Variants in ADAM22 observed in about 807,000 individuals in gnomAD.
ADAM22 encodes ADAM metallopeptidase domain 22, also known as disintegrin and metalloproteinase domain-containing protein 22.
ADAM22 carries 65 observed loss-of-function variants against 144.6 expected under a neutral mutation model. The observed-to-expected ratio is 0.45, with a 90% confidence interval of 0.37 to 0.55. ADAM22 has a LOEUF of 0.55. ADAM22 is among the 20% of genes least tolerant of loss of function. The pLI is 0.00. For synonymous variants in ADAM22, 391 were observed against 412.6 expected (o/e 0.95, Z 0.63); for missense variants, 974 against 1,184.9 (o/e 0.82, Z 2.61).
At chr7:88,072,323 T>C (rs1343247189) in intron 3 of ADAM22, among the ~76,000 whole-genome samples, 1 of 152,236 alleles carries the variant, frequency 6.6e-6, no homozygotes, top group Admixed American at 6.5e-5. Context: ...CTAGATTTTA[T>C]AATTCAAAGG....
At chr7:87,973,210 TC>T (rs1338263681) in intron 2 of ADAM22, among the ~76,000 whole-genome samples, 1 of 152,062 alleles carries the variant, frequency 6.6e-6, no homozygotes, top group Non-Finnish European at 1.5e-5. Flanking sequence ...AGGGCTAATA[TC>T]CAGAATCTAC....
chr7:88,152,847 T>G (rs192637721), intron 20 of ADAM22, among the ~76,000 whole-genome samples: 1 of 151,902 alleles, frequency 6.6e-6, no homozygotes, highest in Non-Finnish European at 1.5e-5. Flanking sequence ...CCCAGCTAAT[T>G]TTTTTTGTAT....
chr7:88,188,163 A>C (rs1848760487), intron 30 of ADAM22, among the ~76,000 whole-genome samples: 1 of 152,138 alleles, frequency 6.6e-6, no homozygotes, highest in African/African-American at 2.4e-5. Flanking sequence ...CCATGGAACC[A>C]AAACAGAATG....
At chr7:88,099,224 A>G (rs1276764013) in intron 4 of ADAM22, among the ~76,000 whole-genome samples, 1 of 152,206 alleles carries the variant, frequency 6.6e-6, no homozygotes, top group Non-Finnish European at 1.5e-5. Flanking sequence ...CCTACTTACA[A>G]GTTAATAGGC....
intron 2 of ADAM22, among the ~76,000 whole-genome samples, chr7:87,978,093 CT>C (rs1040668278): frequency 6.6e-6 from 1 of 152,132 alleles, no homozygotes; most frequent in Non-Finnish European, 1.5e-5. Flanking sequence ...TGCTTAACCA[CT>C]TGAGGTAAAC....
chr7:88,166,346 T>G (rs1441401049), intron 24 of ADAM22, among the ~76,000 whole-genome samples: 2 of 152,126 alleles, frequency 1.3e-5, no homozygotes, highest in South Asian at 2.1e-4. Flanking sequence ...TATTCTTTAT[T>G]ATAGAATCTC....
At chr7:88,077,864 G>C (rs1815099253) in intron 4 of ADAM22, among the ~76,000 whole-genome samples, 2 of 152,336 alleles carry the variant, frequency 1.3e-5, no homozygotes, top group African/African-American at 4.8e-5. Context: ...ACTGGGTGGA[G>C]CCCACCACAG....
At chr7:88,132,592 T>A (rs1407399723) in intron 11 of ADAM22, 1 of 252,962 alleles carries the variant, frequency 4.0e-6, no homozygotes, top group Non-Finnish European at 7.7e-6. Context: ...GAGAAGTGAT[T>A]TTGTGTCTGT....
chr7:87,950,598 T>C (rs1470801449), intron 2 of ADAM22, among the ~76,000 whole-genome samples: 6 of 150,276 alleles, frequency 4.0e-5, no homozygotes, highest in African/African-American at 1.5e-4. Context: ...GCAATAAACA[T>C]ATGTGTGCAT....
chr7:88,161,215 G>A (rs1474550385), intron 22 of ADAM22, among the ~76,000 whole-genome samples: 4 of 144,904 alleles, frequency 2.8e-5, no homozygotes, highest in Non-Finnish European at 6.0e-5. Context: ...AACAAGTAAT[G>A]GGGAAAGGAC....
intron 7 of ADAM22, among the ~76,000 whole-genome samples, chr7:88,121,702 G>A (rs903277976): frequency 1.3e-5 from 2 of 152,164 alleles, no homozygotes; most frequent in African/African-American, 4.8e-5. Context: ...AGGAGATAGT[G>A]AGAGACCAAG....
intron 2 of ADAM22, among the ~76,000 whole-genome samples, chr7:87,970,232 A>G (rs1850106940): frequency 6.6e-6 from 1 of 150,582 alleles, no homozygotes; most frequent in Non-Finnish European, 1.5e-5. Context: ...GAGGGATCAT[A>G]TATACAAGCC....
chr7:88,173,396 T>G lies in ADAM22; in HGVS notation c.2300+1835T>G, dbSNP rs188159945. On this transcript the variant is annotated intron_variant, in intron 26 of 31. Transcript: ENST00000413139. ...ATATATGTCAACACAACCTTTTTTT[T>G]GTCCTTGCCCATAACTAATGAATAT... Among the ~76,000 whole-genome samples the G allele has an allele frequency of 1.2e-4, 18 of 152,160 alleles. No individual in the cohort carries two copies. In the East Asian group the frequency reaches 2.5e-3, roughly 21 times the overall value.
chr7:88,002,926 A>T (rs1792918733), intron 3 of ADAM22, among the ~76,000 whole-genome samples: 1 of 152,232 alleles, frequency 6.6e-6, no homozygotes, highest in African/African-American at 2.4e-5. Flanking sequence ...AAGAGGATGT[A>T]ATTTGTGAAG....
At chr7:87,935,912 C>A (rs1156957392) in intron 2 of ADAM22, among the ~76,000 whole-genome samples, 2 of 152,158 alleles carry the variant, frequency 1.3e-5, no homozygotes, top group African/African-American at 4.8e-5. Flanking sequence ...AATTTATTGA[C>A]AAATTTAAGT....
chr7:88,067,501 C>T (rs1585396181), intron 3 of ADAM22, among the ~76,000 whole-genome samples: 1 of 151,014 alleles, frequency 6.6e-6, no homozygotes, highest in Admixed American at 6.6e-5. Context: ...TAGAATTTTA[C>T]TAGCATATTT....
intron 14 of ADAM22, among the ~76,000 whole-genome samples, chr7:88,140,368 T>C (rs1220311667): frequency 6.6e-6 from 1 of 152,130 alleles, no homozygotes; most frequent in Admixed American, 6.5e-5. Flanking sequence ...GGTCAGGCTA[T>C]GTGACCTAAG....
intron 3 of ADAM22, among the ~76,000 whole-genome samples, chr7:87,995,593 G>A (rs1290270133): frequency 6.6e-6 from 1 of 152,164 alleles, no homozygotes; most frequent in Non-Finnish European, 1.5e-5. Flanking sequence ...TGTTAGAAAT[G>A]CACATTCAAG....
At chr7:87,955,526 A>T (rs1387384709) in intron 2 of ADAM22, among the ~76,000 whole-genome samples, 2 of 152,058 alleles carry the variant, frequency 1.3e-5, no homozygotes, top group African/African-American at 2.4e-5. Flanking sequence ...CGGCCGTGTG[A>T]GGTGTCAGTC....
Sources: gnomAD v4.1 joint callset for allele counts (sites outside exome capture counted in the v4.1 genomes callset) on GRCh38, gnomAD v4.1.1 for gene constraint, MANE v1.5 for transcripts, NCBI Gene and HGNC (gene_info 2026-07-23, HGNC 2026-07-21) for gene names.